ADAMTS13: variants seen among roughly 807,000 people sequenced by gnomAD.
ADAMTS13 encodes A disintegrin and metalloproteinase with thrombospondin motifs 13.
A neutral mutation model predicts 155.1 loss-of-function variants in ADAMTS13; 110 were observed. The ratio of observed to expected loss-of-function variants is 0.71; its 90% confidence interval spans 0.61 to 0.83. The LOEUF (loss-of-function observed/expected upper bound fraction) is 0.83. Among genes scored for constraint, ADAMTS13 ranks in the 40% least tolerant of loss-of-function variants. The pLI, the probability that ADAMTS13 is intolerant of heterozygous loss-of-function variation, is 0.00. For synonymous variants in ADAMTS13, 758 were observed against 756.4 expected (o/e 1.00, Z -0.03); for missense variants, 1,707 against 1,891.7 (o/e 0.90, Z 1.81).
chr9:133,414,366 G>A (rs906606154), exon 1 of ADAMTS13: 4 of 601,118 alleles, frequency 6.7e-6, no homozygotes, highest in East Asian at 3.6e-5. Flanking sequence ...CCCAACTGGC[G>A]AGAAGCAGGG....
intron 27 of ADAMTS13, 120 bp from the exon 28 acceptor site, chr9:133,457,790 G>A: frequency 7.5e-7 from 1 of 1,326,066 alleles, no homozygotes; most frequent in Non-Finnish European, 1.1e-6. Context: ...GATTTGCCTG[G>A]GAACCCCAAT....
chr9:133,424,274 C>G lies in ADAMTS13; in HGVS notation c.173-47C>G. On this transcript the variant is annotated intron_variant, in intron 2 of 28. Transcript: ENST00000355699. This position sits in a 1 kb window ranked among gnomAD's most constrained non-coding sequence, Gnocchi z 4.3. The stretch of plus-strand genomic sequence containing the variant: ...CCCCTTTCCTGTTAGCTTTCCACTG[C>G]TTGCTCTCTAGAACCATCGCCCTCT... 6.2e-7 allele frequency: 1 copy of G among 1,606,392 alleles called. No homozygotes were observed. Among genetic ancestry groups the G allele is most frequent in the Non-Finnish European group, 8.5e-7 (1 of 1,179,688 alleles).
At chr9:133,454,931 A>G (rs1022426193) in intron 24 of ADAMTS13, among the ~76,000 whole-genome samples, 1 of 152,112 alleles carries the variant, frequency 6.6e-6, no homozygotes, top group Admixed American at 6.5e-5. Flanking sequence ...ACAAGGGTAA[A>G]TGGGGTTCAG....
intron 23 of ADAMTS13, among the ~76,000 whole-genome samples, 168 bp downstream of exon 23, chr9:133,450,133 A>G (rs1554793978): frequency 1.3e-5 from 2 of 148,270 alleles, no homozygotes; most frequent in African/African-American, 2.5e-5. Context: ...CCTCATCTCT[A>G]AAAAAAAAAC....
rs199787499 is a variant in ADAMTS13 at position 133,453,945 on chromosome 9, T to TC, written c.3045-470_3045-469insC. On this transcript the variant is annotated intron_variant, in intron 23 of 28. Coordinates refer to ENST00000355699, the MANE Select transcript of ADAMTS13 (RefSeq NM_139027.6). ...CAGCTCCCTTGCAGGCTGCCTGGGTTTGTGTCTGGGCTCTGAAGAATGCGG... is the reference window on the plus strand; with the variant it reads ...CAGCTCCCTTGCAGGCTGCCTGGGTTCTGTGTCTGGGCTCTGAAGAATGCGG... Among the ~76,000 whole-genome samples, 310 of 152,182 alleles carry TC rather than the reference T, an allele frequency of 2.0e-3. 1 individual carries two copies. The highest frequency in any genetic ancestry group is 7.1e-3 in the African/African-American group (296 of 41,522).
intron 1 of ADAMTS13, among the ~76,000 whole-genome samples, chr9:133,416,797 C>T (rs3118664): frequency 6.6e-6 from 1 of 151,784 alleles, no homozygotes; most frequent in Non-Finnish European, 1.5e-5. Flanking sequence ...TGTACAATAG[C>T]GATGATGGAA....
upstream of ADAMTS13, among the ~76,000 whole-genome samples, chr9:133,421,245 G>A (rs1554783055): frequency 6.6e-6 from 1 of 152,172 alleles, no homozygotes; most frequent in African/African-American, 2.4e-5. Context: ...CAGCCTGGGT[G>A]ACACAGCAAG....
upstream of ADAMTS13, among the ~76,000 whole-genome samples, chr9:133,418,456 GT>G (rs1168120528): frequency 6.6e-6 from 1 of 152,338 alleles, no homozygotes; most frequent in African/African-American, 2.4e-5. Context: ...GTTCCTGCCA[GT>G]TCACTCTGTA....
intron 15 of ADAMTS13, 40 bp downstream of exon 15, chr9:133,439,486 G>A (rs782725286): frequency 6.4e-7 from 1 of 1,551,112 alleles, no homozygotes; most frequent in Non-Finnish European, 8.9e-7. Flanking sequence ...TAGCTAGACT[G>A]CAAAGGTGCA....
intron 9 of ADAMTS13, among the ~76,000 whole-genome samples, chr9:133,433,064 G>C (rs1489603205): frequency 6.7e-6 from 1 of 148,300 alleles, no homozygotes; most frequent in African/African-American, 2.5e-5. Context: ...GAGGATCCCT[G>C]TGTGTTGAGG....
In ADAMTS13 at chr9:133,441,472, C is replaced by T. The variant is rs1841667744; in HGVS notation, c.1969-927C>T. Among the ~76,000 whole-genome samples, 1 of 152,208 alleles carries T rather than the reference C, an allele frequency of 6.6e-6. No individual in the cohort carries two copies. The highest frequency in any genetic ancestry group is 2.4e-5 in the African/African-American group (1 of 41,444). On this transcript the variant is annotated intron_variant, in intron 16 of 28. Coordinates refer to ENST00000355699, the MANE Select transcript of ADAMTS13 (RefSeq NM_139027.6). The surrounding 1 kb of genome is among the most constrained non-coding windows in gnomAD (Gnocchi z 5.0). ...CGGGTCCTCTGCATATTCCCTGAAT[C>T]AGGACTTCCCTGTGTTGGGCCTGAG...
upstream of ADAMTS13, among the ~76,000 whole-genome samples, chr9:133,418,873 G>A (rs1839830209): frequency 6.6e-6 from 1 of 152,160 alleles, no homozygotes; most frequent in African/African-American, 2.4e-5. Context: ...TCTTTATTTG[G>A]AAGCAGAAAT....
At position 133,448,731 on chromosome 9, in the gene ADAMTS13, G is replaced by T. The variant is rs782291854; in HGVS notation, c.2861+3G>T. 4 of 1,599,792 alleles carry T rather than the reference G, an allele frequency of 2.5e-6. No homozygotes were observed. Among genetic ancestry groups the T allele is most frequent in the Non-Finnish European group, 2.5e-6 (3 of 1,179,668 alleles). ...CAGGCTGTCCCGTGCCCTGCTCGGT[G>T]AGTGAGGGGAGCAAGACTGTGTGCT... On this transcript the variant is annotated splice_donor_region_variant and intron_variant, in intron 22 of 28. Transcript: ENST00000355699.
rs781838272 is a variant in ADAMTS13 at position 133,425,630 on chromosome 9, A to G, written c.414+18A>G. 5.6e-6 allele frequency: 9 copies of G among 1,611,772 alleles called. No homozygotes were observed. The South Asian group carries it at 9.9e-5, about 18-fold the overall frequency. ...AGCCTGAGGTAGGCATGGAGCTGGA[A>G]CTCAGCACACCATACAGAGCGGGAA... On this transcript the variant is annotated intron_variant, in intron 4 of 28. Coordinates refer to ENST00000355699, the MANE Select transcript of ADAMTS13 (RefSeq NM_139027.6). The surrounding 1 kb of genome is among the most constrained non-coding windows in gnomAD (Gnocchi z 4.6).
intron 11 of ADAMTS13, among the ~76,000 whole-genome samples, chr9:133,435,436 G>T (rs1216112966): frequency 1.3e-5 from 2 of 151,528 alleles, no homozygotes; most frequent in African/African-American, 4.9e-5. Flanking sequence ...TGATCTGCCC[G>T]CCTTGGCCTC....
rs35516997 is a variant in ADAMTS13, at chr9:133,432,759, G to A, written c.1092+67G>A. On this transcript the variant is annotated intron_variant, in intron 9 of 28. Coordinates refer to ENST00000355699, the MANE Select transcript of ADAMTS13 (RefSeq NM_139027.6). ...GCACGTGGGTGCCTCCAGCCAGGCC[G>A]CCCTATTCCTAGGTCAGGAGGCAGG... 108,592 of 1,456,908 alleles carry A rather than the reference G, an allele frequency of 0.075. 4,656 individuals are homozygous for A. Among genetic ancestry groups the A allele is most frequent in the Non-Finnish European group, 0.088 (94,521 of 1,072,564 alleles). 90.2% of individuals were successfully genotyped at this position (1,456,908 alleles called of 1,614,324 possible).
rs1386066495 is a variant in ADAMTS13 at position 133,441,706 on chromosome 9, C to G, written c.1969-693C>G. On this transcript the variant is annotated intron_variant, in intron 16 of 28. Coordinates refer to ENST00000355699, the MANE Select transcript of ADAMTS13 (RefSeq NM_139027.6). This position sits in a 1 kb window ranked among gnomAD's most constrained non-coding sequence, Gnocchi z 5.0. ...TCTTCCTAGTGCTCTCCGGGCCAGT[C>G]CCAAGCCAGTAGCTGGCCACAGGTC... Among the ~76,000 whole-genome samples the G allele has an allele frequency of 1.3e-5, 2 of 152,198 alleles. No individual in the cohort carries two copies. Among genetic ancestry groups the G allele is most frequent in the Non-Finnish European group, 2.9e-5 (2 of 68,026 alleles).
At chr9:133,444,543 G>A (rs1180970662) in intron 19 of ADAMTS13, among the ~76,000 whole-genome samples, 1 of 152,210 alleles carries the variant, frequency 6.6e-6, no homozygotes, top group African/African-American at 2.4e-5. Flanking sequence ...CCGGGCTCAA[G>A]CAGTCTGCTC....
rs587648272 is a variant in ADAMTS13, at chr9:133,445,325, C to T, written c.2610+273C>T. ...TGCTGTGCAGAGAAATGCTGCCAGG[C>T]TCCCGCCTGGCGTCCAGGGGCTGGA... On this transcript the variant is annotated intron_variant, in intron 20 of 28. Transcript: ENST00000355699. The surrounding 1 kb of genome is among the most constrained non-coding windows in gnomAD (Gnocchi z 5.0). Among the ~76,000 whole-genome samples the T allele has an allele frequency of 6.6e-6, 1 of 152,328 alleles. No individual in the cohort carries two copies. Among genetic ancestry groups the T allele is most frequent in the African/African-American group, 2.4e-5 (1 of 41,572 alleles).
Sources: gnomAD v4.1 joint callset for allele counts (sites outside exome capture counted in the v4.1 genomes callset) on GRCh38, gnomAD v4.1.1 for gene constraint, Gnocchi (gnomAD v3.1) non-coding constraint, MANE v1.5 for transcripts, NCBI Gene and HGNC (gene_info 2026-07-23, HGNC 2026-07-21) for gene names.